The following ECM2 variants were observed in gnomAD, a reference collection of about 807,000 sequenced individuals.
The protein encoded by ECM2 is extracellular matrix protein 2, female organ and adipocyte specific.
In ECM2, 57 loss-of-function variants were observed where a neutral mutation model predicts 67.5. That is an observed-to-expected ratio of 0.84 (90% confidence interval 0.68 to 1.05). The LOEUF (loss-of-function observed/expected upper bound fraction) is 1.05. Among genes scored for constraint, ECM2 ranks in the 50% least tolerant of loss-of-function variants. ECM2 has a pLI of 0.00. For synonymous variants in ECM2, 258 were observed against 294.5 expected (o/e 0.88, Z 1.27); for missense variants, 741 against 822.8 (o/e 0.90, Z 1.22).
chr9:92,538,851 A>G (rs557441060), upstream of ECM2, among the ~76,000 whole-genome samples: 1 of 152,214 alleles, frequency 6.6e-6, no homozygotes, highest in African/African-American at 2.4e-5. Context: ...GCCTATGAAG[A>G]TTTAGACTCT....
intron 1 of ECM2, among the ~76,000 whole-genome samples, chr9:92,527,615 G>A (rs925671602): frequency 4.6e-5 from 7 of 152,164 alleles, no homozygotes; most frequent in African/African-American, 1.7e-4. Flanking sequence ...GAAATTCCAA[G>A]GGTATCTAAA....
chr9:92,497,784 C>T (rs1008248774), intron 9 of ECM2, among the ~76,000 whole-genome samples: 1 of 149,550 alleles, frequency 6.7e-6, no homozygotes, highest in African/African-American at 2.5e-5. Flanking sequence ...TCATGGGGGG[C>T]AAGTCACTCA....
At chr9:92,507,271 A>G (rs1164061493) in intron 6 of ECM2, among the ~76,000 whole-genome samples, 1 of 152,202 alleles carries the variant, frequency 6.6e-6, no homozygotes, top group Admixed American at 6.5e-5. Context: ...ATTTCCTCAT[A>G]TTCTCTTTCA....
chr9:92,542,394 T>C, the ECM2 span, among the ~76,000 whole-genome samples: 1 of 152,252 alleles, frequency 6.6e-6, no homozygotes, highest in Non-Finnish European at 1.5e-5. Flanking sequence ...CTTAATTTGA[T>C]GTAATCTCAT....
chr9:92,544,535 G>A, the ECM2 span, among the ~76,000 whole-genome samples: 9 of 83,368 alleles, frequency 1.1e-4, no homozygotes, highest in East Asian at 4.3e-3. Context: ...TAGTTAATTT[G>A]TTGAGGGGTT....
At chr9:92,509,630 G>T (rs775848775) in intron 6 of ECM2, among the ~76,000 whole-genome samples, 2 of 152,174 alleles carry the variant, frequency 1.3e-5, no homozygotes, top group Non-Finnish European at 2.9e-5. Flanking sequence ...TGGATTTGTA[G>T]TAAATTTATT....
At chr9:92,535,051 C>T (rs1196088729) in intron 1 of ECM2, among the ~76,000 whole-genome samples, 1 of 152,112 alleles carries the variant, frequency 6.6e-6, no homozygotes, top group East Asian at 1.9e-4. Flanking sequence ...TCTGAGCACA[C>T]CCCTCTCTCC....
intron 1 of ECM2, among the ~76,000 whole-genome samples, chr9:92,532,033 T>A (rs772244234): frequency 0.012 from 1,629 of 131,300 alleles, 123 homozygotes; most frequent in East Asian, 0.049. Context: ...TTTTTTATTT[T>A]ATTTTTTTTT....
chr9:92,504,713 A>G (rs1332254711), intron 7 of ECM2, among the ~76,000 whole-genome samples: 1 of 151,532 alleles, frequency 6.6e-6, no homozygotes, highest in Non-Finnish European at 1.5e-5. Flanking sequence ...TTTTTTTAAT[A>G]TATCTTTTAG....
intron 1 of ECM2, among the ~76,000 whole-genome samples, chr9:92,527,578 T>G (rs965248514): frequency 6.6e-6 from 1 of 152,230 alleles, no homozygotes; most frequent in African/African-American, 2.4e-5. Flanking sequence ...CTTAGAAGTC[T>G]GCTTCACAAC....
In ECM2 at chr9:92,514,821, G is replaced by C; in HGVS notation, c.864C>G (p.Asp288Glu). ...EGEEGEEDEE[D>E]EEDPVRGDMF... is the part of the protein sequence containing the mutation. ...TATCTCCTCTTACCGGGTCCTCCTCGTCCTCCTCATCCTCCTCACCCTCCT... is the reference window on the plus strand; with the variant it reads ...TATCTCCTCTTACCGGGTCCTCCTCCTCCTCCTCATCCTCCTCACCCTCCT... Residue 288 changes from aspartate (D) to glutamate (E), a missense_variant, in exon 4 of 10, where the codon GAC becomes GAG. Physicochemically the swap from Asp to Glu is conservative, Grantham distance 45. Coordinates refer to ENST00000344604, the MANE Select transcript of ECM2 (RefSeq NM_001393.4). 6.2e-7 allele frequency: 1 copy of C among 1,612,572 alleles called. No individual in the cohort carries two copies. Among genetic ancestry groups the C allele is most frequent in the East Asian group, 2.2e-5 (1 of 44,836 alleles).
Position 92,512,045 on chromosome 9 carries a change from A to G in ECM2, c.1136T>C (p.Ile379Thr), listed in dbSNP as rs1194042792. The G allele has an allele frequency of 6.2e-7, 1 of 1,613,370 alleles. No homozygotes were observed. Among genetic ancestry groups the G allele is most frequent in the Non-Finnish European group, 8.5e-7 (1 of 1,179,660 alleles). ...LERLDLSKNN[I>T]TSSGIGPKAF... ...TTTTGGACCTATGCCTGAAGAAGTG[A>G]TATTATTTTTACTCAGATCAAGCCT... The change falls in exon 5 of 10, where the codon ATC (isoleucine) becomes ACC (threonine). Residue 379 changes from isoleucine (I) to threonine (T), a missense_variant. By Grantham distance (89) the Ile-to-Thr change is moderately conservative. Coordinates refer to ENST00000344604, the MANE Select transcript of ECM2 (RefSeq NM_001393.4).
intron 8 of ECM2, among the ~76,000 whole-genome samples, chr9:92,501,468 T>C (rs570833379): frequency 1.3e-5 from 2 of 152,334 alleles, no homozygotes; most frequent in Admixed American, 1.3e-4. Flanking sequence ...TTGGTTTGTT[T>C]TGGCTTGTTT....
At chr9:92,525,188 C>T (rs1431065051) in intron 1 of ECM2, among the ~76,000 whole-genome samples, 1 of 152,048 alleles carries the variant, frequency 6.6e-6, no homozygotes, top group African/African-American at 2.4e-5. Context: ...CATGGTGGTG[C>T]ATACCTGTAG....
At position 92,515,152 on chromosome 9, in the gene ECM2, G is replaced by T; in HGVS notation, c.533C>A (p.Ser178Tyr). 1 of 1,609,714 alleles carries T rather than the reference G, an allele frequency of 6.2e-7. No homozygotes were observed. Among genetic ancestry groups the T allele is most frequent in the South Asian group, 1.1e-5 (1 of 89,880 alleles). Residue 178 changes from serine (S) to tyrosine (Y), a missense_variant, in exon 4 of 10, where the codon TCT (serine) becomes TAT (tyrosine). Transcript: ENST00000344604. The part of the protein sequence containing the change: ...GIALNDRNEF[S>Y]GDSSEQREPT... ...TTCTCTTTGTTCTGAAGAATCACCA[G>T]AAAATTCATTTCTATCATTTAATGC...
chr9:92,518,142 A>C (rs548026988), intron 2 of ECM2, among the ~76,000 whole-genome samples: 1 of 152,298 alleles, frequency 6.6e-6, no homozygotes, highest in African/African-American at 2.4e-5. Context: ...TTTTGTATCC[A>C]TCAGGATAGA....
intron 1 of ECM2, among the ~76,000 whole-genome samples, chr9:92,527,832 A>G (rs1848508313): frequency 6.6e-6 from 1 of 151,988 alleles, no homozygotes; most frequent in Non-Finnish European, 1.5e-5. Context: ...TCACTAACTG[A>G]CCTATTTTTT....
At chr9:92,551,941 A>G in the ECM2 span, among the ~76,000 whole-genome samples, 30 of 64,696 alleles carry the variant, frequency 4.6e-4, 4 homozygotes, top group African/African-American at 3.8e-3. Flanking sequence ...ATATATATAT[A>G]TATATATATA....
At chr9:92,513,812 G>A (rs557394521) in intron 4 of ECM2, among the ~76,000 whole-genome samples, 98 of 152,314 alleles carry the variant, frequency 6.4e-4, no homozygotes, top group South Asian at 3.7e-3. Context: ...GGGAGTGATA[G>A]AATGTCCTAT....
Sources: gnomAD v4.1 joint callset for allele counts (sites outside exome capture counted in the v4.1 genomes callset) on GRCh38, gnomAD v4.1.1 for gene constraint, MANE v1.5 for transcripts, NCBI Gene and HGNC (gene_info 2026-07-23, HGNC 2026-07-21) for gene names.